Variants in PRKG1 observed in about 807,000 individuals in gnomAD.
PRKG1 encodes the protein cGMP-dependent protein kinase 1.
A neutral mutation model predicts 88.1 loss-of-function variants in PRKG1; 35 were observed. The ratio of observed to expected loss-of-function variants is 0.40; its 90% CI spans 0.30 to 0.53. The LOEUF is 0.53. Among genes scored for constraint, PRKG1 ranks in the 20% least tolerant of loss-of-function variants. The pLI, the probability that PRKG1 is intolerant of heterozygous loss-of-function variation, is 0.59. For synonymous variants in PRKG1, 303 were observed against 292.5 expected (o/e 1.04, Z -0.37); for missense variants, 540 against 839.8 (o/e 0.64, Z 4.41).
chr10:51,958,276 A>G (rs1843360408), intron 5 of PRKG1, among the ~76,000 whole-genome samples: 1 of 152,162 alleles, frequency 6.6e-6, no homozygotes, highest in Non-Finnish European at 1.5e-5. Context: ...TTCTTATGAA[A>G]AAACAAGTCA....
chr10:51,179,776 G>T (rs1348781098), intron 2 of PRKG1, among the ~76,000 whole-genome samples: 1 of 152,052 alleles, frequency 6.6e-6, no homozygotes, highest in African/African-American at 2.4e-5. Flanking sequence ...TCTTAAGGGG[G>T]ACAGCCAAAA....
intron 3 of PRKG1, among the ~76,000 whole-genome samples, chr10:51,530,684 T>C (rs1841995822): frequency 6.6e-6 from 1 of 152,202 alleles, no homozygotes; most frequent in Non-Finnish European, 1.5e-5. Flanking sequence ...TGTGCCTTAA[T>C]GCATCACACA....
At chr10:51,393,147 C>CGCGG (rs1837479614) in intron 2 of PRKG1, among the ~76,000 whole-genome samples, 20 of 142,696 alleles carry the variant, frequency 1.4e-4, no homozygotes, top group Non-Finnish European at 3.0e-4. Flanking sequence ...TCAGACGGGG[C>CGCGG]GGCCGGGCAG....
intron 4 of PRKG1, among the ~76,000 whole-genome samples, chr10:51,894,224 T>C (rs1841788215): frequency 6.6e-6 from 1 of 152,218 alleles, no homozygotes; most frequent in Non-Finnish European, 1.5e-5. Flanking sequence ...GGTAAGGCTA[T>C]CAATCTTCCT....
chr10:51,824,054 T>G (rs1431377067), intron 4 of PRKG1, among the ~76,000 whole-genome samples: 5 of 151,930 alleles, frequency 3.3e-5, no homozygotes, highest in Non-Finnish European at 7.4e-5. Flanking sequence ...TTGTACATTT[T>G]GTAGAGATGA....
At chr10:51,455,690 C>T (rs1839565432) in intron 2 of PRKG1, among the ~76,000 whole-genome samples, 1 of 152,318 alleles carries the variant, frequency 6.6e-6, no homozygotes, top group East Asian at 1.9e-4. Context: ...ACACGTTCCT[C>T]ATCTCCATCT....
At chr10:52,013,249 T>C (rs527710300) in intron 5 of PRKG1, among the ~76,000 whole-genome samples, 17 of 152,178 alleles carry the variant, frequency 1.1e-4, no homozygotes, top group Admixed American at 9.2e-4. Flanking sequence ...AAACCCCGTC[T>C]CTACTAAAAA....
intron 1 of PRKG1, among the ~76,000 whole-genome samples, chr10:51,001,401 A>G (rs565606691): frequency 6.6e-6 from 1 of 152,352 alleles, no homozygotes; most frequent in East Asian, 1.9e-4. Flanking sequence ...TTTGTAAAGA[A>G]ACAATTTGGA....
chr10:52,143,552 A>C (rs1242063292), intron 8 of PRKG1, among the ~76,000 whole-genome samples: 2 of 152,164 alleles, frequency 1.3e-5, no homozygotes, highest in African/African-American at 4.8e-5. Context: ...AGCCAATAGA[A>C]CTTGTGCCAG....
At chr10:52,174,987 T>C (rs754045955) in intron 9 of PRKG1, among the ~76,000 whole-genome samples, 26 of 152,200 alleles carry the variant, frequency 1.7e-4, no homozygotes, top group African/African-American at 5.1e-4. Context: ...CATTTATGAT[T>C]TCTCTGTGTT....
At chr10:51,124,426 G>T (rs946501762) in intron 1 of PRKG1, among the ~76,000 whole-genome samples, 1 of 152,064 alleles carries the variant, frequency 6.6e-6, no homozygotes, top group African/African-American at 2.4e-5. Flanking sequence ...TCACCTTATA[G>T]AAGTGACCTT....
intron 1 of PRKG1, among the ~76,000 whole-genome samples, chr10:51,105,907 G>A (rs1399073412): frequency 6.6e-6 from 1 of 152,180 alleles, no homozygotes; most frequent in Admixed American, 6.5e-5. Flanking sequence ...CAAAATTAAT[G>A]AGTATATGAT....
At chr10:51,261,881 A>ATTTTTTTTT (rs375382268) in intron 2 of PRKG1, among the ~76,000 whole-genome samples, 1,797 of 120,460 alleles carry the variant, frequency 0.015, 38 homozygotes, top group Non-Finnish European at 0.021. Flanking sequence ...GGATTTTCTA[A>ATTTTTTTTT]TTTTTTTTTT....
At chr10:51,703,001 T>C (rs1260324541) in intron 3 of PRKG1, among the ~76,000 whole-genome samples, 1 of 152,204 alleles carries the variant, frequency 6.6e-6, no homozygotes, top group Non-Finnish European at 1.5e-5. Context: ...GGCCTCAGAC[T>C]GATTTTTGAA....
chr10:52,168,706 TAAAA>T (rs372980890), intron 9 of PRKG1, among the ~76,000 whole-genome samples: 36 of 139,912 alleles, frequency 2.6e-4, no homozygotes, highest in African/African-American at 9.2e-4. Flanking sequence ...CAATGTGATT[TAAAA>T]AAAAAAAAAG....
chr10:51,172,567 G>T (rs563614834), intron 2 of PRKG1, among the ~76,000 whole-genome samples: 1 of 151,820 alleles, frequency 6.6e-6, no homozygotes, highest in East Asian at 1.9e-4. Context: ...TTTTTTCCAA[G>T]ATCAATTGAT....
At chr10:51,916,866 G>A (rs1171151077) in intron 5 of PRKG1, among the ~76,000 whole-genome samples, 1 of 152,140 alleles carries the variant, frequency 6.6e-6, no homozygotes, top group Non-Finnish European at 1.5e-5. Context: ...CTTGATATAT[G>A]CTACAACATG....
At chr10:51,454,474 A>G (rs538675216) in intron 2 of PRKG1, among the ~76,000 whole-genome samples, 2 of 152,330 alleles carry the variant, frequency 1.3e-5, no homozygotes, top group East Asian at 1.9e-4. Flanking sequence ...TTGACAAAGC[A>G]AACAAAAACA....
intron 2 of PRKG1, among the ~76,000 whole-genome samples, chr10:51,285,270 C>A (rs1840412362): frequency 1.3e-5 from 2 of 151,904 alleles, no homozygotes; most frequent in African/African-American, 4.8e-5. Flanking sequence ...AGGATGTATT[C>A]TTTCAATAAA....
Sources: gnomAD v4.1 joint callset for allele counts (sites outside exome capture counted in the v4.1 genomes callset) on GRCh38, gnomAD v4.1.1 for gene constraint, MANE v1.5 for transcripts, NCBI Gene and HGNC (gene_info 2026-07-23, HGNC 2026-07-21) for gene names.